Variants in TLCD1 observed in about 807,000 individuals in gnomAD.
TLCD1 encodes TLC domain containing 1.
A neutral mutation model predicts 21.2 loss-of-function variants in TLCD1; 21 were observed. The observed-to-expected ratio is 0.99, with a 90% CI of 0.70 to 1.42. TLCD1 has a LOEUF of 1.42. Ranked by LOEUF, TLCD1 falls within the 40% of genes most tolerant of loss-of-function variation. The pLI is 0.00. For missense variants in TLCD1, 344 were observed against 330.3 expected, an observed-to-expected ratio of 1.04 and a Z score of -0.32; for synonymous variants, 168 against 134.8, an observed-to-expected ratio of 1.25 and a Z score of -1.71.
rs2034182356 is a variant in TLCD1 at position 28,724,694 on chromosome 17, T to TGA, written c.558_559dup (p.Gln187LeufsTer13). 6.2e-7 allele frequency: 1 copy of TGA among 1,614,140 alleles called. No homozygotes were observed. The highest frequency in any genetic ancestry group is 2.2e-5 in the East Asian group (1 of 44,890). On this transcript the variant is annotated frameshift_variant, in exon 4 of 4. Coordinates refer to ENST00000292090, the MANE Select transcript of TLCD1 (RefSeq NM_138463.4). LOFTEE classifies it high-confidence loss of function. The stretch of plus-strand genomic sequence containing the variant: ...CAAGAAGAAATGGGTGAGGTAGGCC[T>TGA]GAGGGGCCAGGCGGAAGAGAAAGTA...
At position 28,724,750 on chromosome 17, in the gene TLCD1, G is replaced by A. The variant is rs1223305762; in HGVS notation, c.504C>T (p.Tyr168=). Residue 168 remains tyrosine (Y), a synonymous_variant, in exon 4 of 4, where the codon TAC becomes TAT. Transcript: ENST00000292090. ...KISNAQDHLL[Y]RVNKYVNLVM... ...CCAGGTTCACATACTTGTTAACCCG[G>A]TAGAGGAGATGATCCTGGGCATTAC... The A allele has an allele frequency of 8.7e-6, 14 of 1,614,050 alleles. No homozygotes were observed. Among genetic ancestry groups the A allele is most frequent in the Non-Finnish European group, 8.5e-6 (10 of 1,180,036 alleles).
chr17:28,726,699 A>G, upstream of TLCD1: 1 of 1,512,080 alleles, frequency 6.6e-7, no homozygotes. Flanking sequence ...GTCTCCGTGC[A>G]GACCCAGTGC....
At chr17:28,727,319 G>C (rs1251247512), upstream of TLCD1, 1 of 163,354 alleles carries the variant, frequency 6.1e-6, no homozygotes, top group Non-Finnish European at 1.4e-5. Flanking sequence ...AACCCCTGTG[G>C]GACTCTTAAG....
chr17:28,726,221 C>G lies in TLCD1; in HGVS notation c.-124G>C. Reference sequence around the variant, plus strand: ...CCGGCCGCCAGCCCCACACAGTTGGCGAAGCCCTCTAGGCCCCTTGGCTCC... The same window carrying G: ...CCGGCCGCCAGCCCCACACAGTTGGGGAAGCCCTCTAGGCCCCTTGGCTCC... On this transcript the variant is annotated 5_prime_UTR_variant, in exon 1 of 4. Coordinates refer to ENST00000292090, the MANE Select transcript of TLCD1 (RefSeq NM_138463.4). The G allele has an allele frequency of 7.3e-7, 1 of 1,364,004 alleles. No homozygotes were observed. The highest frequency in any genetic ancestry group is 9.4e-7 in the Non-Finnish European group (1 of 1,066,344). The allele number at this position is 1,364,004 out of a possible 1,614,324, so 84.5% of individuals were successfully genotyped here. A position where few individuals can be genotyped will look rare whatever the true frequency, so the allele number is the denominator to read the frequency against.
chr17:28,725,655 G>C lies in TLCD1; in HGVS notation c.195-92C>G, dbSNP rs117459901. 4 of 1,399,164 alleles carry C rather than the reference G, an allele frequency of 2.9e-6. No individual in the cohort carries two copies. The East Asian group carries it at 9.2e-5, about 32-fold the overall frequency. The allele number at this position is 1,399,164 out of a possible 1,614,324, so 86.7% of individuals were successfully genotyped here. ...CCTTCGCAGCCCCGGGGGATCCTGG[G>C]CTCGCGCTAGTGGCTGACTGGGAAG... On this transcript the variant is annotated intron_variant, in intron 1 of 3. Coordinates refer to ENST00000292090, the MANE Select transcript of TLCD1 (RefSeq NM_138463.4).
chr17:28,726,550 G>A (rs12952249), upstream of TLCD1, among the ~76,000 whole-genome samples: 77,939 of 151,700 alleles, frequency 0.51, 24,325 homozygotes, highest in Non-Finnish European at 0.68. Context: ...CCGGGCCACC[G>A]GCTACCCCGC....
chr17:28,725,589 T>C, intron 1 of TLCD1, 26 bp from the exon 2 acceptor site: 1 of 1,610,256 alleles, frequency 6.2e-7, no homozygotes, highest in African/African-American at 1.3e-5. Flanking sequence ...GAGGAGGCTC[T>C]GCATTTCGGC....
intron 1 of TLCD1, 44 bp from the exon 2 acceptor site, chr17:28,725,607 A>G (rs2034211710): frequency 3.1e-6 from 5 of 1,594,572 alleles, no homozygotes; most frequent in Non-Finnish European, 4.3e-6. Context: ...GGCACCCTCA[A>G]GGACCATCAA....
rs111729644 is a variant in TLCD1 at position 28,726,153 on chromosome 17, C to G, written c.-56G>C. ...CCGCCTCCTAGGTCTGTTCTGGGAA[C>G]CGGGATCCCTCTCGGGCCAGTCCAG... On this transcript the variant is annotated 5_prime_UTR_variant, in exon 1 of 4. Coordinates refer to ENST00000292090, the MANE Select transcript of TLCD1 (RefSeq NM_138463.4). The G allele has an allele frequency of 4.2e-5, 59 of 1,402,348 alleles. No homozygotes were observed. The Middle Eastern group carries it at 1.8e-3, about 44-fold the overall frequency. The allele number at this position is 1,402,348 out of a possible 1,614,324, so 86.9% of individuals were successfully genotyped here. A position where few individuals can be genotyped will look rare whatever the true frequency, so the allele number is the denominator to read the frequency against.
chr17:28,726,629 C>G, upstream of TLCD1: 1 of 893,894 alleles, frequency 1.1e-6, no homozygotes, highest in Non-Finnish European at 1.8e-6. Flanking sequence ...GGACCCGACA[C>G]GCCCACGCCC....
upstream of TLCD1, chr17:28,726,828 C>G: frequency 6.5e-7 from 1 of 1,547,220 alleles, no homozygotes; most frequent in Non-Finnish European, 8.7e-7. Context: ...TTCCCGCCGG[C>G]TCTTAAACTC....
chr17:28,724,960 T>A, intron 3 of TLCD1, 67 bp from the exon 4 acceptor site: 1 of 1,543,096 alleles, frequency 6.5e-7, no homozygotes, highest in African/African-American at 1.4e-5. Context: ...GTTTGGGGGG[T>A]GTGGCTATCA....
In TLCD1 at chr17:28,724,703, A is replaced by G. The variant is rs746847313; in HGVS notation, c.551T>C (p.Leu184Pro). ...ATGGGTGAGGTAGGCCTGAGGGGCCAGGCGGAAGAGAAAGTACATGACCAG... is the reference window on the plus strand; with the variant it reads ...ATGGGTGAGGTAGGCCTGAGGGGCCGGGCGGAAGAGAAAGTACATGACCAG... ...VNLVMYFLFR[L>P]APQAYLTHFF... Residue 184 changes from leucine to proline, a missense_variant, in exon 4 of 4, where the codon CTG becomes CCG. Coordinates refer to ENST00000292090, the MANE Select transcript of TLCD1 (RefSeq NM_138463.4). 1 of 1,614,218 alleles carries G rather than the reference A, an allele frequency of 6.2e-7. No individual in the cohort carries two copies. Among genetic ancestry groups the G allele is most frequent in the Non-Finnish European group, 8.5e-7 (1 of 1,180,040 alleles).
In TLCD1 at chr17:28,724,636, G is replaced by GT; in HGVS notation, c.617_618insA (p.Phe206LeufsTer24). The GT allele has an allele frequency of 6.2e-7, 1 of 1,614,174 alleles. No homozygotes were observed. The highest frequency in any genetic ancestry group is 8.5e-7 in the Non-Finnish European group (1 of 1,180,032). On this transcript the variant is annotated frameshift_variant, in exon 4 of 4. Transcript: ENST00000292090. LOFTEE classifies it high-confidence loss of function. ...CCAGCATGAGCAGGATACCCAGCAG[G>GT]AAGGTGCCCAGGGTCCTCTGGTTCA...
At chr17:28,726,923 C>CCG (rs1343540355), upstream of TLCD1, 3 of 1,063,298 alleles carry the variant, frequency 2.8e-6, no homozygotes, top group Non-Finnish European at 4.2e-6. Flanking sequence ...AGCAAGACCT[C>CCG]CGATTTGCCG....
chr17:28,727,008 C>T, upstream of TLCD1: 1 of 603,624 alleles, frequency 1.7e-6, no homozygotes, highest in Non-Finnish European at 3.0e-6. Flanking sequence ...TAGGTGTCAG[C>T]CTGCCCTCAC....
In TLCD1 at chr17:28,724,575, G is replaced by T. The variant is rs148558266; in HGVS notation, c.679C>A (p.Arg227Ser). ...MIIIYFSRLL[R>S]SDFCPEHVPK... Reference sequence around the variant, plus strand: ...ACATGCTCAGGGCAGAAGTCAGAGCGGAGGAGGCGGGAAAAGTAGATTATG... The same window carrying T: ...ACATGCTCAGGGCAGAAGTCAGAGCTGAGGAGGCGGGAAAAGTAGATTATG... Residue 227 changes from arginine (R) to serine (S), a missense_variant, in exon 4 of 4, where the codon CGC (arginine) becomes AGC (serine). Coordinates refer to ENST00000292090, the MANE Select transcript of TLCD1 (RefSeq NM_138463.4). 81 of 1,613,954 alleles carry T rather than the reference G, an allele frequency of 5.0e-5. No individual in the cohort carries two copies. Among genetic ancestry groups the T allele is most frequent in the Non-Finnish European group, 6.2e-5 (73 of 1,179,974 alleles).
Position 28,726,006 on chromosome 17 carries a change from A to G in TLCD1, c.92T>C (p.Leu31Pro). ...GGGGTCGGCGCGCACGTGCACGGGT[A>G]GGGGCAGGCGACAGAGCGCGCGCCG... Reference protein sequence around the residue: ...ALRRALCRLPLPVHVRADPLR... With the variant: ...ALRRALCRLPPPVHVRADPLR... Residue 31 changes from leucine (L) to proline (P), a missense_variant, in exon 1 of 4, where the codon CTA (leucine) becomes CCA (proline). By Grantham distance (98) the Leu-to-Pro change is moderately conservative (BLOSUM62 -3). Transcript: ENST00000292090. 6.2e-7 allele frequency: 1 copy of G among 1,608,242 alleles called. No individual in the cohort carries two copies.
At chr17:28,726,781 G>T, upstream of TLCD1, 1 of 1,549,242 alleles carries the variant, frequency 6.5e-7, no homozygotes. Flanking sequence ...CCGCGAGGTG[G>T]GCACTTGGGA....
Sources: gnomAD v4.1 joint callset for allele counts (sites outside exome capture counted in the v4.1 genomes callset) on GRCh38, gnomAD v4.1.1 for gene constraint, MANE v1.5 for transcripts, NCBI Gene and HGNC (gene_info 2026-07-23, HGNC 2026-07-21) for gene names.